LPO: variants seen among roughly 807,000 people sequenced by gnomAD.
LPO encodes the protein lactoperoxidase.
In LPO, 70 loss-of-function variants were observed where a neutral mutation model predicts 68.4. The observed-to-expected ratio is 1.02, with a 90% CI of 0.84 to 1.25. The LOEUF (loss-of-function observed/expected upper bound fraction) is 1.25, where lower values mean the gene tolerates loss of function less well. Among genes scored for constraint, LPO ranks in the 50% most tolerant of loss-of-function variants. The probability of loss-of-function intolerance (pLI) is 0.00; values close to 1 mark genes in which losing one functional copy is unlikely to be tolerated. For missense variants in LPO, 873 were observed against 908.4 expected (o/e 0.96, Z 0.50); for synonymous variants, 360 against 357.6 (o/e 1.01, Z -0.08).
At chr17:58,245,868 C>T (rs1456960119) in intron 3 of LPO, among the ~76,000 whole-genome samples, 2 of 152,198 alleles carry the variant, frequency 1.3e-5, no homozygotes, top group African/African-American at 4.8e-5. Context: ...AACCGGTGTT[C>T]ATACACCTCC....
At position 58,264,777 on chromosome 17, in the gene LPO, G is replaced by T. The variant is rs1368818434; in HGVS notation, c.1322G>T (p.Trp441Leu). ...PILLGDHMQKWIPPYQGYSES... is the reference protein window; with the variant it reads ...PILLGDHMQKLIPPYQGYSES... The stretch of plus-strand genomic sequence containing the variant: ...TTGCTAGGTGACCACATGCAGAAGT[G>T]GATACCCCCATATCAAGGCTACAGT... The change falls in exon 10 of 13, where the codon TGG becomes TTG. Residue 441 changes from tryptophan to leucine, a missense_variant. Physicochemically the swap from Trp to Leu is moderately conservative, Grantham distance 61. Coordinates refer to ENST00000262290, the MANE Select transcript of LPO (RefSeq NM_006151.3). 6.2e-7 allele frequency: 1 copy of T among 1,614,206 alleles called. No homozygotes were observed. Among genetic ancestry groups the T allele is most frequent in the Non-Finnish European group, 8.5e-7 (1 of 1,180,034 alleles).
At chr17:58,265,931 C>T (rs1404345614) in intron 10 of LPO, among the ~76,000 whole-genome samples, 1 of 152,040 alleles carries the variant, frequency 6.6e-6, no homozygotes, top group Admixed American at 6.6e-5. Flanking sequence ...CCATGACTGC[C>T]CCTTTCTGCC....
At chr17:58,260,187 G>T (rs1243922852) in intron 9 of LPO, among the ~76,000 whole-genome samples, 1 of 152,200 alleles carries the variant, frequency 6.6e-6, no homozygotes, top group Non-Finnish European at 1.5e-5. Context: ...TTTTATCAGT[G>T]TATGAAAATA....
chr17:58,266,933 G>A (rs564994823), intron 11 of LPO, among the ~76,000 whole-genome samples: 1 of 152,198 alleles, frequency 6.6e-6, no homozygotes, highest in Non-Finnish European at 1.5e-5. Flanking sequence ...AAACAATAGA[G>A]AGAAACCAAT....
At chr17:58,239,915 A>T (rs1239127625) in intron 1 of LPO, among the ~76,000 whole-genome samples, 2 of 152,270 alleles carry the variant, frequency 1.3e-5, no homozygotes, top group Middle Eastern at 3.4e-3. Flanking sequence ...CAGATGCTGA[A>T]TTTCTCTGCT....
intron 10 of LPO, 116 bp downstream of exon 10, chr17:58,265,090 A>G: frequency 7.5e-7 from 1 of 1,335,306 alleles, no homozygotes; most frequent in Non-Finnish European, 1.0e-6. Context: ...GGGCAAATGA[A>G]TTCACCTCAC....
In LPO at chr17:58,267,386, GC is replaced by G. The variant is rs1567824547; in HGVS notation, c.1733del (p.Pro578ArgfsTer4). ...GGAGAGCCTTCTGTGACCTCTCACA[GC>G]CGCAGACACTAGAGGAGTTGAACAC... The part of the protein sequence containing the change: ...SWRAFCDLSQ[P>X]QTLEELNTVL... On this transcript the variant is annotated frameshift_variant, in exon 12 of 13. Transcript: ENST00000262290. LOFTEE classifies it high-confidence loss of function. 9 of 1,614,100 alleles carry G rather than the reference GC, an allele frequency of 5.6e-6. No homozygotes were observed. The highest frequency in any genetic ancestry group is 3.3e-5 in the Admixed American group (2 of 59,998).
At chr17:58,240,736 T>C (rs1396940519) in intron 1 of LPO, among the ~76,000 whole-genome samples, 3 of 152,204 alleles carry the variant, frequency 2.0e-5, no homozygotes, top group Admixed American at 1.3e-4. Flanking sequence ...TTCTCAACTT[T>C]CATGTCTTCT....
chr17:58,257,402 T>C (rs567175183), intron 9 of LPO, among the ~76,000 whole-genome samples: 1 of 152,378 alleles, frequency 6.6e-6, no homozygotes, highest in African/African-American at 2.4e-5. Context: ...TGTTTGTCTT[T>C]CTCTGCCTGG....
intron 7 of LPO, chr17:58,251,624 C>T (rs187761023): frequency 7.8e-5 from 27 of 344,310 alleles, no homozygotes; most frequent in Non-Finnish European, 1.2e-4. Context: ...GTATAAAGAG[C>T]ATAAACTGTG....
Position 58,238,688 on chromosome 17 carries a change from C to T in LPO, c.-54C>T, listed in dbSNP as rs1280646358. On this transcript the variant is annotated 5_prime_UTR_variant, in exon 1 of 13. Transcript: ENST00000262290. ...GCTGGAAGGTATAAAAGACCAGCTC[C>T]TCCAAGCAGAGCAACTCCCTGGCTG... 1.3e-5 allele frequency: 2 copies of T among 152,166 alleles called. No homozygotes were observed. The highest frequency in any genetic ancestry group is 2.9e-5 in the Non-Finnish European group (2 of 68,032). 9.4% of individuals were successfully genotyped at this position (152,166 alleles called of 1,614,324 possible). A position where few individuals can be genotyped will look rare whatever the true frequency, so the allele number is the denominator to read the frequency against.
chr17:58,252,071 T>A lies in LPO; in HGVS notation c.781-111T>A, dbSNP rs546343108. ...CTGGGGTCAGTGTCTGGTACCAGGG[T>A]CCTAGGAGGGTGCCATCAGCATCTT... is the stretch of plus-strand genomic sequence containing the variant. On this transcript the variant is annotated intron_variant, in intron 7 of 12. Transcript: ENST00000262290. 3.9e-4 allele frequency: 365 copies of A among 928,532 alleles called. 2 individuals carry two copies. The African/African-American group carries it at 5.4e-3, about 14-fold the overall frequency. The allele number at this position is 928,532 out of a possible 1,614,324, so 57.5% of individuals were successfully genotyped here.
intron 8 of LPO, among the ~76,000 whole-genome samples, chr17:58,254,039 G>A (rs1230381623): frequency 2.6e-5 from 4 of 152,026 alleles, no homozygotes; most frequent in Admixed American, 6.6e-5. Flanking sequence ...TTGAGCCCAC[G>A]AGGTTGAGGC....
At chr17:58,256,608 G>A (rs1048554501) in intron 9 of LPO, among the ~76,000 whole-genome samples, 2 of 151,968 alleles carry the variant, frequency 1.3e-5, no homozygotes, top group African/African-American at 4.8e-5. Context: ...AAGGTCAAGA[G>A]ATCGAGACCA....
intron 3 of LPO, among the ~76,000 whole-genome samples, chr17:58,246,581 G>A (rs960384850): frequency 1.3e-4 from 20 of 152,308 alleles, no homozygotes; most frequent in South Asian, 1.0e-3. Context: ...GCCCAGGGCC[G>A]GGCGGGAAAG....
rs1346651008 is a variant in LPO, at chr17:58,263,369, TG to T, written c.1267-1351del. On this transcript the variant is annotated intron_variant, in intron 9 of 12. Coordinates refer to ENST00000262290, the MANE Select transcript of LPO (RefSeq NM_006151.3). Reference sequence around the variant, plus strand: ...CTCAAAACGTGGCATTTCTGGCTCTTGGTATTATGAGTGATTTTCAGTTGTA... The same window carrying T: ...CTCAAAACGTGGCATTTCTGGCTCTTGTATTATGAGTGATTTTCAGTTGTA... Among the ~76,000 whole-genome samples the T allele has an allele frequency of 1.1e-4, 17 of 152,362 alleles. No individual in the cohort carries two copies. The East Asian group carries it at 3.3e-3, about 29-fold the overall frequency.
Position 58,254,837 on chromosome 17 carries a change from C to T in LPO, c.1132C>T (p.Leu378=), listed in dbSNP as rs199601632. 1.2e-4 allele frequency: 195 copies of T among 1,614,126 alleles called. No homozygotes were observed. Among genetic ancestry groups the T allele is most frequent in the African/African-American group, 2.1e-4 (16 of 75,030 alleles). Residue 378 remains leucine (L), a synonymous_variant, in exon 9 of 13, where the codon CTG becomes TTG. Coordinates refer to ENST00000262290, the MANE Select transcript of LPO (RefSeq NM_006151.3). ...AGDSRASEHI[L]LATSHTLFLR... is the part of the protein sequence containing the mutation. Reference sequence around the variant, plus strand: ...AGATTCTCGAGCCTCAGAGCATATTCTGCTGGCCACATCCCACACCCTCTT... The same window carrying T: ...AGATTCTCGAGCCTCAGAGCATATTTTGCTGGCCACATCCCACACCCTCTT...
chr17:58,249,329 C>G (rs557973731), intron 5 of LPO, 152 bp downstream of exon 5: 1 of 874,698 alleles, frequency 1.1e-6, no homozygotes, highest in South Asian at 1.7e-5. Flanking sequence ...CAAGATCGCG[C>G]GTCTCCAGCC....
intron 9 of LPO, among the ~76,000 whole-genome samples, chr17:58,264,372 C>T (rs8178395): frequency 0.12 from 17,601 of 150,242 alleles, 1,291 homozygotes; most frequent in Non-Finnish European, 0.16. Flanking sequence ...TTCCTCTTGC[C>T]CTGACATTGT....
Sources: allele counts gnomAD v4.1 joint callset (sites outside exome capture counted in the v4.1 genomes callset), GRCh38; gene constraint gnomAD v4.1.1; transcripts MANE v1.5; gene names NCBI Gene and HGNC (gene_info 2026-07-23, HGNC 2026-07-21).